Variants in NRCAM observed in about 807,000 individuals in gnomAD.
NRCAM encodes NgCAM-related cell adhesion molecule.
NRCAM carries 83 observed loss-of-function variants against 156.5 expected under a neutral mutation model. The observed-to-expected ratio is 0.53, with a 90% CI of 0.44 to 0.64. The LOEUF (loss-of-function observed/expected upper bound fraction) is 0.64, where lower values mean the gene tolerates loss of function less well. NRCAM is among the 30% of genes least tolerant of loss of function. The pLI, the probability that NRCAM is intolerant of heterozygous loss-of-function variation, is 0.00. For missense variants in NRCAM, 1,417 were observed against 1,597.3 expected (o/e 0.89, Z 1.92); for synonymous variants, 538 against 563.9 (o/e 0.95, Z 0.65).
chr7:108,330,617 C>T (rs1213083740), intron 2 of NRCAM, among the ~76,000 whole-genome samples: 1 of 152,152 alleles, frequency 6.6e-6, no homozygotes, highest in Non-Finnish European at 1.5e-5. Flanking sequence ...ATCAATGAAT[C>T]TGTCATTTTA....
chr7:108,216,513 A>T (rs2089014458), intron 11 of NRCAM, among the ~76,000 whole-genome samples: 1 of 152,180 alleles, frequency 6.6e-6, no homozygotes. Context: ...GTGTTTTCCA[A>T]CTTGGTTCCA....
chr7:108,450,662 C>G (rs2154495217), intron 1 of NRCAM, among the ~76,000 whole-genome samples: 1 of 152,260 alleles, frequency 6.6e-6, no homozygotes, highest in Non-Finnish European at 1.5e-5. Flanking sequence ...AATCATTTAG[C>G]ACAAGTGTAT....
intron 1 of NRCAM, among the ~76,000 whole-genome samples, chr7:108,428,295 AAATT>A (rs1012884033): frequency 1.4e-4 from 22 of 152,294 alleles, no homozygotes; most frequent in African/African-American, 5.1e-4. Context: ...ATGGTGAAAA[AAATT>A]AATTACATAG....
chr7:108,228,906 C>T (rs1286336079), intron 8 of NRCAM, among the ~76,000 whole-genome samples: 3 of 152,050 alleles, frequency 2.0e-5, no homozygotes, highest in South Asian at 2.1e-4. Flanking sequence ...TGTTACTTTA[C>T]TTTCTCTGAG....
At chr7:108,368,224 A>ACCCCCCCCCCCCCCCCCC in intron 2 of NRCAM, among the ~76,000 whole-genome samples, 188 of 91,030 alleles carry the variant, frequency 2.1e-3, no homozygotes, top group Middle Eastern at 4.5e-3. Context: ...ACACTTTCAT[A>ACCCCCCCCCCCCCCCCCC]CCCCCCCCCA....
chr7:108,426,602 A>G (rs1231809290), intron 1 of NRCAM, among the ~76,000 whole-genome samples: 1 of 152,234 alleles, frequency 6.6e-6, no homozygotes, highest in African/African-American at 2.4e-5. Context: ...CATTGATCAG[A>G]GAAGGCCCTG....
intron 3 of NRCAM, among the ~76,000 whole-genome samples, chr7:108,249,447 C>T (rs1304357552): frequency 6.6e-6 from 1 of 152,178 alleles, no homozygotes; most frequent in African/African-American, 2.4e-5. Context: ...CAGAGTAATG[C>T]ATGAAATATT....
intron 3 of NRCAM, among the ~76,000 whole-genome samples, chr7:108,271,501 C>A (rs548438579): frequency 2.0e-4 from 31 of 152,172 alleles, no homozygotes; most frequent in Admixed American, 7.9e-4. Flanking sequence ...AGTTTGAGAC[C>A]AGCCTAGCCA....
At chr7:108,346,199 A>G (rs2099353063) in intron 2 of NRCAM, among the ~76,000 whole-genome samples, 1 of 152,144 alleles carries the variant, frequency 6.6e-6, no homozygotes, top group African/African-American at 2.4e-5. Flanking sequence ...AGTGGGAGGA[A>G]TTTTGAGATA....
At chr7:108,235,126 A>T (rs1380483459) in intron 5 of NRCAM, among the ~76,000 whole-genome samples, 1 of 152,180 alleles carries the variant, frequency 6.6e-6, no homozygotes, top group Non-Finnish European at 1.5e-5. Context: ...CATATAAATC[A>T]ATATATGTTG....
chr7:108,413,231 T>G (rs1797585251), intron 1 of NRCAM, among the ~76,000 whole-genome samples: 1 of 152,222 alleles, frequency 6.6e-6, no homozygotes, highest in Admixed American at 6.5e-5. Context: ...TTCTAACAGG[T>G]GTGAGGTGAT....
intron 1 of NRCAM, among the ~76,000 whole-genome samples, chr7:108,405,970 TAA>T (rs1563662103): frequency 6.7e-5 from 10 of 149,506 alleles, no homozygotes; most frequent in Non-Finnish European, 4.4e-5. Flanking sequence ...TTTTTTTTTT[TAA>T]TTTAAAAAGA....
intron 4 of NRCAM, among the ~76,000 whole-genome samples, chr7:108,238,666 C>T (rs2095310279): frequency 6.6e-6 from 1 of 152,104 alleles, no homozygotes; most frequent in African/African-American, 2.4e-5. Context: ...AAAAGCATTT[C>T]TCTCAAATGT....
intron 3 of NRCAM, among the ~76,000 whole-genome samples, chr7:108,268,636 T>TGGGGGGGGGGGGGG (rs1300340254): frequency 1.2e-4 from 1 of 8,492 alleles, no homozygotes; most frequent in African/African-American, 4.8e-4. Context: ...GGGGGGGGGT[T>TGGGGGGGGGGGGGG]GGGGGGGGCG....
At chr7:108,453,020 A>T (rs1486482870) in intron 1 of NRCAM, among the ~76,000 whole-genome samples, 3 of 144,008 alleles carry the variant, frequency 2.1e-5, no homozygotes, top group African/African-American at 7.4e-5. Context: ...TGCATTTGTG[A>T]TATGTGAAAA....
chr7:108,227,783 G>A (rs529431728), intron 8 of NRCAM, among the ~76,000 whole-genome samples: 1 of 152,180 alleles, frequency 6.6e-6, no homozygotes, highest in Admixed American at 6.5e-5. Flanking sequence ...TTTTTGCAGT[G>A]TAAGTCAAGC....
Position 108,191,267 on chromosome 7 carries a change from T to A in NRCAM, c.1920A>T (p.Pro640=). The change falls in exon 19 of 33, where the codon CCA becomes CCT. Residue 640 remains proline, a synonymous_variant. Coordinates refer to ENST00000379028, the MANE Select transcript of NRCAM (RefSeq NM_001037132.4). ...ATATTAGTTTACCGTAAACGGGAGC[T>A]GGAGTTGGAGTAGGAGCTAGAAAGG... The part of the protein sequence containing the change: ...VLSVVAPTPT[P]APVYDVPNPP... The A allele has an allele frequency of 6.2e-7, 1 of 1,605,228 alleles. No homozygotes were observed. Among genetic ancestry groups the A allele is most frequent in the South Asian group, 1.1e-5 (1 of 88,982 alleles).
At chr7:108,356,226 C>T (rs1445772655) in intron 2 of NRCAM, among the ~76,000 whole-genome samples, 1 of 152,202 alleles carries the variant, frequency 6.6e-6, no homozygotes, top group Non-Finnish European at 1.5e-5. Flanking sequence ...GGATTACAGG[C>T]ATAAGCCACT....
At chr7:108,150,184 A>G in intron 32 of NRCAM, 37 bp from the exon 33 acceptor site, 1 of 1,529,094 alleles carries the variant, frequency 6.5e-7, no homozygotes, top group East Asian at 2.3e-5. Flanking sequence ...CAAGATTGGC[A>G]TTTAGGTAAC....
Sources: allele counts gnomAD v4.1 joint callset (sites outside exome capture counted in the v4.1 genomes callset), GRCh38; gene constraint gnomAD v4.1.1; transcripts MANE v1.5; gene names NCBI Gene and HGNC (gene_info 2026-07-23, HGNC 2026-07-21).